MACROD2: variants seen among roughly 807,000 people sequenced by gnomAD.
The protein encoded by MACROD2 is ADP-ribose glycohydrolase MACROD2.
A neutral mutation model predicts 70.4 loss-of-function variants in MACROD2; 36 were observed. The observed-to-expected ratio is 0.51, with a 90% CI of 0.39 to 0.68. MACROD2 has a LOEUF of 0.68. Ranked by LOEUF, MACROD2 falls within the 30% of genes least tolerant of loss-of-function variation. The pLI is 0.00. For missense variants in MACROD2, 496 were observed against 538.4 expected (o/e 0.92, Z 0.78); for synonymous variants, 172 against 178.8 (o/e 0.96, Z 0.30).
intron 11 of MACROD2, among the ~76,000 whole-genome samples, chr20:15,937,065 T>C (rs2065675278): frequency 6.6e-6 from 1 of 152,198 alleles, no homozygotes; most frequent in Non-Finnish European, 1.5e-5. Context: ...GCAGAAGTGC[T>C]GTGCTAAGAA....
chr20:14,443,344 T>G (rs2084147270), intron 3 of MACROD2, among the ~76,000 whole-genome samples: 1 of 150,058 alleles, frequency 6.7e-6, no homozygotes, highest in Non-Finnish European at 1.5e-5. Flanking sequence ...TCACCCAGGC[T>G]GGAGTGCAGT....
intron 5 of MACROD2, among the ~76,000 whole-genome samples, chr20:15,078,303 T>C (rs998539896): frequency 6.6e-6 from 1 of 152,102 alleles, no homozygotes; most frequent in Non-Finnish European, 1.5e-5. Context: ...ATATCCATAG[T>C]CCTCCATTTC....
intron 5 of MACROD2, among the ~76,000 whole-genome samples, chr20:14,860,402 C>G (rs2073301955): frequency 6.6e-6 from 1 of 151,560 alleles, no homozygotes; most frequent in Non-Finnish European, 1.5e-5. Flanking sequence ...TCCTCCTCCC[C>G]TTTGTGAAGC....
chr20:14,293,474 C>T lies in MACROD2; in HGVS notation c.272-200005C>T, dbSNP rs150331002. Among the ~76,000 whole-genome samples the T allele has an allele frequency of 1.5e-4, 23 of 151,670 alleles. 1 individual carries two copies. Among genetic ancestry groups the T allele is most frequent in the African/African-American group, 2.4e-4 (10 of 41,154 alleles). On this transcript the variant is annotated intron_variant, in intron 3 of 17. Coordinates refer to ENST00000684519, the MANE Select transcript of MACROD2 (RefSeq NM_001351661.2). The stretch of plus-strand genomic sequence containing the variant: ...GACAGTTCAGGTGAGACCTTAATGA[C>T]GAGAAGGAGTTAGCCATGTGAAGAT...
intron 5 of MACROD2, among the ~76,000 whole-genome samples, chr20:14,941,851 A>G (rs1028183604): frequency 7.3e-5 from 11 of 151,082 alleles, no homozygotes; most frequent in African/African-American, 2.4e-4. Flanking sequence ...TGGTGCGACC[A>G]TGGCTCACTG....
chr20:14,917,192 T>C (rs2074102846), intron 5 of MACROD2, among the ~76,000 whole-genome samples: 1 of 150,474 alleles, frequency 6.6e-6, no homozygotes, highest in African/African-American at 2.5e-5. Flanking sequence ...CACCCTCCAT[T>C]GTGCATCCTA....
chr20:14,540,976 A>T (rs984085405), intron 4 of MACROD2, among the ~76,000 whole-genome samples: 1 of 152,198 alleles, frequency 6.6e-6, no homozygotes, highest in African/African-American at 2.4e-5. Flanking sequence ...TTCACCTGGC[A>T]ATATCTAGTG....
intron 12 of MACROD2, among the ~76,000 whole-genome samples, chr20:15,950,947 T>G (rs1035289313): frequency 6.6e-6 from 1 of 152,296 alleles, no homozygotes; most frequent in African/African-American, 2.4e-5. Flanking sequence ...TCGCCCCTTT[T>G]TTGTTGGTAG....
At position 14,454,226 on chromosome 20, in the gene MACROD2, T is replaced by C. The variant is rs552434856; in HGVS notation, c.272-39253T>C. Among the ~76,000 whole-genome samples the C allele has an allele frequency of 5.9e-5, 9 of 152,168 alleles. No individual in the cohort carries two copies. In the South Asian group the frequency reaches 1.9e-3, roughly 31 times the overall value. The stretch of plus-strand genomic sequence containing the variant: ...ATTCTATTCTTTCTTATAAAATTTC[T>C]ATTTATATTCTCTGTTCATTTATCT... On this transcript the variant is annotated intron_variant, in intron 3 of 17. Transcript: ENST00000684519.
chr20:14,057,934 G>A lies in MACROD2; in HGVS notation c.164-27687G>A, dbSNP rs529619014. ...AATAAACTAGACACAAATACTTACC[G>A]TGTATGATTCCCTATATAAAATTCA... On this transcript the variant is annotated intron_variant, in intron 2 of 17. Transcript: ENST00000684519. 1.6e-4 allele frequency among the ~76,000 whole-genome samples: 24 copies of A among 152,224 alleles called. No individual in the cohort carries two copies. The South Asian group carries it at 4.1e-3, about 26-fold the overall frequency.
chr20:14,448,111 T>G (rs938119721), intron 3 of MACROD2, among the ~76,000 whole-genome samples: 1 of 151,744 alleles, frequency 6.6e-6, no homozygotes, highest in Non-Finnish European at 1.5e-5. Flanking sequence ...GTGAGAACTT[T>G]GCAGCCCGTC....
chr20:14,141,057 G>A (rs1221596230), intron 3 of MACROD2, among the ~76,000 whole-genome samples: 2 of 152,178 alleles, frequency 1.3e-5, no homozygotes, highest in Non-Finnish European at 2.9e-5. Flanking sequence ...ATGCTTCAGT[G>A]TGTTGTGTTG....
chr20:14,902,763 T>C (rs1442697944), intron 5 of MACROD2, among the ~76,000 whole-genome samples: 1 of 152,064 alleles, frequency 6.6e-6, no homozygotes, highest in African/African-American at 2.4e-5. Flanking sequence ...AAAAGCAAAG[T>C]TCAGCCTTGA....
At chr20:14,810,994 A>G (rs901691599) in intron 5 of MACROD2, among the ~76,000 whole-genome samples, 1 of 152,134 alleles carries the variant, frequency 6.6e-6, no homozygotes, top group East Asian at 1.9e-4. Flanking sequence ...AATCAATATC[A>G]TGAAAATGGC....
chr20:15,479,867 G>A (rs2047073697), intron 7 of MACROD2, among the ~76,000 whole-genome samples: 1 of 152,156 alleles, frequency 6.6e-6, no homozygotes, highest in African/African-American at 2.4e-5. Flanking sequence ...CCCACCGACT[G>A]TCAAAATGTA....
intron 2 of MACROD2, among the ~76,000 whole-genome samples, chr20:14,063,125 A>G (rs981407462): frequency 2.0e-5 from 3 of 152,208 alleles, no homozygotes; most frequent in African/African-American, 7.2e-5. Flanking sequence ...TGTTTTTATG[A>G]TTAAAAAATG....
intron 8 of MACROD2, among the ~76,000 whole-genome samples, chr20:15,693,523 G>A (rs1411839741): frequency 6.6e-6 from 1 of 152,018 alleles, no homozygotes; most frequent in African/African-American, 2.4e-5. Flanking sequence ...CACATTTACT[G>A]CTGGCTACTT....
At chr20:15,494,147 T>G (rs1600492032) in intron 7 of MACROD2, among the ~76,000 whole-genome samples, 1 of 152,216 alleles carries the variant, frequency 6.6e-6, no homozygotes, top group East Asian at 1.9e-4. Flanking sequence ...CAAGAGAATT[T>G]AATTAGAAAG....
chr20:14,144,668 C>A (rs1309863286), intron 3 of MACROD2, among the ~76,000 whole-genome samples: 3 of 152,132 alleles, frequency 2.0e-5, no homozygotes, highest in Non-Finnish European at 1.5e-5. Context: ...TATTCTTAAG[C>A]AGTCATTTTT....
Sources: allele counts gnomAD v4.1 joint callset (sites outside exome capture counted in the v4.1 genomes callset), GRCh38; gene constraint gnomAD v4.1.1; transcripts MANE v1.5; gene names NCBI Gene and HGNC (gene_info 2026-07-23, HGNC 2026-07-21).